RSPH6A: variants seen among roughly 807,000 people sequenced by gnomAD.
The protein encoded by RSPH6A is radial spoke head 6 homolog A.
RSPH6A carries 49 observed loss-of-function variants against 66.1 expected under a neutral mutation model. The ratio of observed to expected loss-of-function variants is 0.74; its 90% CI spans 0.59 to 0.94. The LOEUF (loss-of-function observed/expected upper bound fraction) is 0.94, where lower values mean the gene tolerates loss of function less well. Ranked by LOEUF, RSPH6A falls within the 40% of genes least tolerant of loss-of-function variation. The probability of loss-of-function intolerance (pLI) is 0.00; values close to 1 mark genes in which losing one functional copy is unlikely to be tolerated. For missense variants in RSPH6A, 977 were observed against 948.3 expected (o/e 1.03, Z -0.40); for synonymous variants, 419 against 402.4 (o/e 1.04, Z -0.49).
chr19:45,807,110 T>C (rs1268220959), intron 2 of RSPH6A, among the ~76,000 whole-genome samples: 2 of 151,908 alleles, frequency 1.3e-5, no homozygotes, highest in African/African-American at 4.8e-5. Flanking sequence ...GCCAGGCTGG[T>C]CTCGAACTCC....
chr19:45,796,722 A>T (rs1970412689), intron 5 of RSPH6A, among the ~76,000 whole-genome samples: 2 of 151,918 alleles, frequency 1.3e-5, no homozygotes, highest in East Asian at 3.9e-4. Flanking sequence ...CATGTTAGCC[A>T]GGCTGGTCTC....
intron 2 of RSPH6A, among the ~76,000 whole-genome samples, chr19:45,808,657 CT>C (rs60697395): frequency 0.025 from 2,652 of 104,116 alleles, 85 homozygotes; most frequent in African/African-American, 0.085. Context: ...CAAAACTTAT[CT>C]TTTTTTTTTT....
rs757898392 is a variant in RSPH6A, at chr19:45,804,562, T to G, written c.1343A>C (p.Gln448Pro). Residue 448 changes from glutamine to proline, a missense_variant, in exon 3 of 6, where the codon CAG becomes CCG. By Grantham distance (76) the Gln-to-Pro change is moderately conservative. Coordinates refer to ENST00000221538, the MANE Select transcript of RSPH6A (RefSeq NM_030785.4). The surrounding 1 kb of genome is among the most constrained non-coding windows in gnomAD (Gnocchi z 5.8). ...WTRLPHVTPA[Q>P]IVNARKIKKF... The stretch of plus-strand genomic sequence containing the variant: ...CTTGATCTTTCGGGCGTTCACGATC[T>G]GGGCTGGAGTGACGTGGGGCAGCCG... 4 of 1,614,080 alleles carry G rather than the reference T, an allele frequency of 2.5e-6. No homozygotes were observed. In the Admixed American group the frequency reaches 5.0e-5, roughly 20 times the overall value.
In RSPH6A at chr19:45,804,547, C is replaced by A; in HGVS notation, c.1358G>T (p.Arg453Leu). The A allele has an allele frequency of 6.2e-7, 1 of 1,614,184 alleles. No homozygotes were observed. The highest frequency in any genetic ancestry group is 8.5e-7 in the Non-Finnish European group (1 of 1,180,032). Residue 453 changes from arginine (R) to leucine (L), a missense_variant, in exon 3 of 6, where the codon CGA becomes CTA. Physicochemically the swap from Arg to Leu is moderately radical, Grantham distance 102. Coordinates refer to ENST00000221538, the MANE Select transcript of RSPH6A (RefSeq NM_030785.4). The surrounding 1 kb of genome is among the most constrained non-coding windows in gnomAD (Gnocchi z 5.8). The stretch of plus-strand genomic sequence containing the variant: ...GCCTGTGAAGAACTTCTTGATCTTT[C>A]GGGCGTTCACGATCTGGGCTGGAGT... ...HVTPAQIVNA[R>L]KIKKFFTGYL...
At chr19:45,803,256 T>G (rs1970495476) in intron 3 of RSPH6A, among the ~76,000 whole-genome samples, 1 of 149,646 alleles carries the variant, frequency 6.7e-6, no homozygotes, top group Non-Finnish European at 1.5e-5. Flanking sequence ...GGTATGTGCC[T>G]GTAGTCCTAA....
chr19:45,814,640 C>T lies in RSPH6A; in HGVS notation c.537G>A (p.Glu179=). ...GGGCACTGTAGTGTGGGAAGCCCAG[C>T]TCAGAGGGCAAGAACTGAAGGGCAG... ...DDPALQFLPS[E]LGFPHYSAQV... is the part of the protein sequence containing the mutation. Residue 179 remains glutamate (E), a synonymous_variant, in exon 1 of 6, where the codon GAG becomes GAA. Transcript: ENST00000221538. 4 of 1,607,028 alleles carry T rather than the reference C, an allele frequency of 2.5e-6. No homozygotes were observed. In the South Asian group the frequency reaches 4.4e-5, roughly 18 times the overall value.
Position 45,804,804 on chromosome 19 carries a change from C to G in RSPH6A, c.1101G>C (p.Glu367Asp). ...VAEVEFREGE[E>D]EAEEEEVEEM... ...CCTCCACCTCCTCCTCCTCTGCCTC[C>G]TCCTCGCCCTCCCGGAATTCCACCT... Residue 367 changes from glutamate (E) to aspartate (D), a missense_variant, in exon 3 of 6, where the codon GAG becomes GAC. Coordinates refer to ENST00000221538, the MANE Select transcript of RSPH6A (RefSeq NM_030785.4). The surrounding 1 kb of genome is among the most constrained non-coding windows in gnomAD (Gnocchi z 5.8). 6.2e-7 allele frequency: 1 copy of G among 1,614,102 alleles called. No homozygotes were observed. The highest frequency in any genetic ancestry group is 1.1e-5 in the South Asian group (1 of 91,076).
At chr19:45,796,702 G>A (rs183773308) in intron 5 of RSPH6A, among the ~76,000 whole-genome samples, 30 of 151,730 alleles carry the variant, frequency 2.0e-4, no homozygotes, top group South Asian at 1.7e-3. Context: ...TAGTAGAGAC[G>A]GGGTTTCACC....
intron 2 of RSPH6A, among the ~76,000 whole-genome samples, chr19:45,808,332 C>G (rs1970573403): frequency 6.6e-6 from 1 of 152,172 alleles, no homozygotes; most frequent in South Asian, 2.1e-4. Flanking sequence ...GAGGCTGAGG[C>G]AGGAGAATAG....
rs3217398 is a variant in RSPH6A at position 45,795,880 on chromosome 19, TCTCCTCGCCCTCCTCCTC to T, written c.2125_2142del (p.Glu709_Glu714del). 190 of 1,565,578 alleles carry T rather than the reference TCTCCTCGCCCTCCTCCTC, an allele frequency of 1.2e-4. No homozygotes were observed. The highest frequency in any genetic ancestry group is 1.5e-4 in the Non-Finnish European group (177 of 1,151,814). ...CTAGAGGGTGGGCCTCAGTCATCTG[TCTCCTCGCCCTCCTCCTC>T]CTCCTCGCCCTCCTCCTCCTCCTCT... On this transcript the variant is annotated inframe_deletion, in exon 6 of 6. Transcript: ENST00000221538.
chr19:45,802,824 CT>C (rs759185798), intron 3 of RSPH6A, among the ~76,000 whole-genome samples: 142 of 130,520 alleles, frequency 1.1e-3, no homozygotes, highest in Non-Finnish European at 1.0e-3. Flanking sequence ...TGATTCTTTT[CT>C]TTTTTTTTTT....
At position 45,804,314 on chromosome 19, in the gene RSPH6A, C is replaced by A. The variant is rs149295201; in HGVS notation, c.1591G>T (p.Val531Leu). ...GCCATGGAGTCGACCAGCTCCAGCACGGGGATGCCCTCGAAGTCCGGGTTC... is the reference window on the plus strand; with the variant it reads ...GCCATGGAGTCGACCAGCTCCAGCAAGGGGATGCCCTCGAAGTCCGGGTTC... Reference protein sequence around the residue: ...EENPDFEGIPVLELVDSMANW... With the variant: ...EENPDFEGIPLLELVDSMANW... The change falls in exon 3 of 6, where the codon GTG becomes TTG. Residue 531 changes from valine (V) to leucine (L), a missense_variant. Val to Leu is a conservative substitution (Grantham distance 32, BLOSUM62 1). Coordinates refer to ENST00000221538, the MANE Select transcript of RSPH6A (RefSeq NM_030785.4). This position sits in a 1 kb window ranked among gnomAD's most constrained non-coding sequence, Gnocchi z 5.8. 1.2e-6 allele frequency: 2 copies of A among 1,614,152 alleles called. No individual in the cohort carries two copies. Among genetic ancestry groups the A allele is most frequent in the East Asian group, 4.5e-5 (2 of 44,888 alleles).
intron 5 of RSPH6A, among the ~76,000 whole-genome samples, chr19:45,799,831 G>A (rs1201086964): frequency 6.6e-6 from 1 of 152,186 alleles, no homozygotes; most frequent in Non-Finnish European, 1.5e-5. Flanking sequence ...CAGATCACTC[G>A]AGGTCAGGAG....
Position 45,795,994 on chromosome 19 carries a change from C to A in RSPH6A, c.2029G>T (p.Glu677Ter). 6.2e-7 allele frequency: 1 copy of A among 1,613,890 alleles called. No homozygotes were observed. Among genetic ancestry groups the A allele is most frequent in the Non-Finnish European group, 8.5e-7 (1 of 1,179,966 alleles). The change falls in exon 6 of 6, where the codon GAG becomes TAG. Residue 677 changes from glutamate (E) to a stop codon, truncating the protein, a stop_gained. Coordinates refer to ENST00000221538, the MANE Select transcript of RSPH6A (RefSeq NM_030785.4). LOFTEE classifies it high-confidence loss of function. The stretch of plus-strand genomic sequence containing the variant: ...TCTTCCACTGTGGGGTCACTCATCT[C>A]CATGATCTCTGGGCCACTGGGGTAC... ...QEYPSGPEIMEMSDPTVEEEQ... is the reference protein window; with the variant it reads ...QEYPSGPEIM
At position 45,796,079 on chromosome 19, in the gene RSPH6A, C is replaced by T. The variant is rs1413510869; in HGVS notation, c.1944G>A (p.Trp648Ter). 1.3e-6 allele frequency: 2 copies of T among 1,593,198 alleles called. No homozygotes were observed. Among genetic ancestry groups the T allele is most frequent in the African/African-American group, 2.7e-5 (2 of 74,414 alleles). The change falls in exon 6 of 6, where the codon TGG becomes TGA. Residue 648 changes from tryptophan to a stop codon, truncating the protein, a stop_gained. Transcript: ENST00000221538. LOFTEE classifies it high-confidence loss of function. ...GKKFENIYIG[W>*]GHKYSPESFN... Reference sequence around the variant, plus strand: ...AGCTCTCGGGGCTGTACTTGTGACCCCAGCCGATGTAGATGTTCTCAAACT... The same window carrying T: ...AGCTCTCGGGGCTGTACTTGTGACCTCAGCCGATGTAGATGTTCTCAAACT...
At position 45,800,230 on chromosome 19, in the gene RSPH6A, C is replaced by G. The variant is rs150479794; in HGVS notation, c.1916+216G>C. Among the ~76,000 whole-genome samples the G allele has an allele frequency of 1.2e-4, 19 of 152,322 alleles. No homozygotes were observed. In the East Asian group the frequency reaches 2.7e-3, roughly 22 times the overall value. ...CTCCCACTCTCTTATTCTCCTTGCT[C>G]TCATCATGACTCATCACCAAGACCC... On this transcript the variant is annotated intron_variant, in intron 5 of 5. Transcript: ENST00000221538.
chr19:45,800,485 G>A lies in RSPH6A; in HGVS notation c.1877C>T (p.Ser626Phe). The A allele has an allele frequency of 1.2e-6, 2 of 1,613,520 alleles. No homozygotes were observed. The highest frequency in any genetic ancestry group is 1.7e-6 in the Non-Finnish European group (2 of 1,179,944). Residue 626 changes from serine to phenylalanine, a missense_variant, in exon 5 of 6, where the codon TCC becomes TTC. Ser to Phe is a radical substitution (Grantham distance 155). Coordinates refer to ENST00000221538, the MANE Select transcript of RSPH6A (RefSeq NM_030785.4). ...GGCATAGGCCCCGGGCCAGAGGTTGGAGCGCACAACGGCCACTGAGTACTG... is the reference window on the plus strand; with the variant it reads ...GGCATAGGCCCCGGGCCAGAGGTTGAAGCGCACAACGGCCACTGAGTACTG... The part of the protein sequence containing the change: ...CPQYSVAVVR[S>F]NLWPGAYAYA...
chr19:45,814,606 C>G lies in RSPH6A; in HGVS notation c.571G>C (p.Glu191Gln). The G allele has an allele frequency of 6.3e-7, 1 of 1,575,100 alleles. No homozygotes were observed. Among genetic ancestry groups the G allele is most frequent in the Non-Finnish European group, 8.6e-7 (1 of 1,162,256 alleles). The change falls in exon 1 of 6, where the codon GAG (glutamate) becomes CAG (glutamine). Residue 191 changes from glutamate (E) to glutamine (Q), a missense_variant. Glu to Gln is a conservative substitution (Grantham distance 29, BLOSUM62 2). Transcript: ENST00000221538. ...ACGGCCAGCTCCAGAGGCTCGGGCT[C>G]AGGCACCTGGGCACTGTAGTGTGGG... ...GFPHYSAQVPEPEPLELAVQN... is the reference protein window; with the variant it reads ...GFPHYSAQVPQPEPLELAVQN...
chr19:45,813,605 C>G (rs1970658568), intron 1 of RSPH6A, among the ~76,000 whole-genome samples: 1 of 152,164 alleles, frequency 6.6e-6, no homozygotes, highest in Non-Finnish European at 1.5e-5. Flanking sequence ...TTGGCCTCCT[C>G]AAGTGCTGGG....
Sources: gnomAD v4.1 joint callset for allele counts (sites outside exome capture counted in the v4.1 genomes callset) on GRCh38, gnomAD v4.1.1 for gene constraint, Gnocchi (gnomAD v3.1) non-coding constraint, MANE v1.5 for transcripts, NCBI Gene and HGNC (gene_info 2026-07-23, HGNC 2026-07-21) for gene names.